ARHGEF3: variants seen among roughly 807,000 people sequenced by gnomAD.
The protein encoded by ARHGEF3 is 59.8 kDA protein.
A neutral mutation model predicts 63.2 loss-of-function variants in ARHGEF3; 28 were observed. The ratio of observed to expected loss-of-function variants is 0.44; its 90% CI spans 0.33 to 0.61. The LOEUF is 0.61. ARHGEF3 is among the 20% of genes least tolerant of loss of function. ARHGEF3 has a pLI of 0.03. For synonymous variants in ARHGEF3, 266 were observed against 254.2 expected (o/e 1.05, Z -0.44); for missense variants, 533 against 659.3 (o/e 0.81, Z 2.10).
chr3:57,063,279 G>A (rs1423981840), intron 1 of ARHGEF3, among the ~76,000 whole-genome samples: 1 of 137,772 alleles, frequency 7.3e-6, no homozygotes, highest in Non-Finnish European at 1.5e-5. Flanking sequence ...ATCACATGGG[G>A]CCTTGCAGCC....
intron 4 of ARHGEF3, among the ~76,000 whole-genome samples, chr3:56,834,867 T>C (rs2039056586): frequency 1.3e-5 from 2 of 152,124 alleles, no homozygotes; most frequent in Non-Finnish European, 1.5e-5. Flanking sequence ...CATGTGATCC[T>C]ATTTGTGTGT....
chr3:56,810,034 T>C (rs2038009976), intron 4 of ARHGEF3, among the ~76,000 whole-genome samples: 1 of 152,120 alleles, frequency 6.6e-6, no homozygotes, highest in African/African-American at 2.4e-5. Context: ...GGCCATATAT[T>C]TATTTAGTTA....
intron 9 of ARHGEF3, among the ~76,000 whole-genome samples, chr3:56,729,869 T>C (rs2033003150): frequency 7.4e-6 from 1 of 135,020 alleles, no homozygotes; most frequent in African/African-American, 2.8e-5. Context: ...GAGATCATCT[T>C]GGAACCACAA....
intron 2 of ARHGEF3, among the ~76,000 whole-genome samples, chr3:56,766,826 C>T (rs1474353568): frequency 6.6e-6 from 1 of 152,160 alleles, no homozygotes; most frequent in African/African-American, 2.4e-5. Context: ...GTATTCACAC[C>T]CTTTGACCAG....
chr3:56,967,456 T>C (rs866336693), intron 2 of ARHGEF3, among the ~76,000 whole-genome samples: 1 of 26,368 alleles, frequency 3.8e-5, no homozygotes, highest in African/African-American at 1.5e-4. Flanking sequence ...ATATTATACA[T>C]ATTATATATT....
At chr3:56,841,061 G>C (rs180903951) in intron 4 of ARHGEF3, among the ~76,000 whole-genome samples, 1 of 152,230 alleles carries the variant, frequency 6.6e-6, no homozygotes, top group Admixed American at 6.5e-5. Context: ...CAAAAACACG[G>C]AAAACCCCTT....
chr3:57,067,548 C>T (rs144848838), intron 1 of ARHGEF3, among the ~76,000 whole-genome samples: 1 of 150,078 alleles, frequency 6.7e-6, no homozygotes, highest in African/African-American at 2.4e-5. Context: ...TCAAATGCAA[C>T]TTTAGGGTGG....
chr3:57,042,679 TATATA>T (rs1704252782), intron 1 of ARHGEF3, among the ~76,000 whole-genome samples: 4 of 46,906 alleles, frequency 8.5e-5, no homozygotes, highest in South Asian at 1.5e-3. Context: ...TATATATATA[TATATA>T]TATATATATA....
At chr3:57,045,458 G>C (rs1400260008) in intron 1 of ARHGEF3, among the ~76,000 whole-genome samples, 3 of 152,206 alleles carry the variant, frequency 2.0e-5, no homozygotes, top group African/African-American at 7.2e-5. Flanking sequence ...CCCCCATTCT[G>C]TGCTGCCTAC....
At chr3:57,069,406 CACA>C (rs1042837902) in intron 1 of ARHGEF3, among the ~76,000 whole-genome samples, 1 of 151,946 alleles carries the variant, frequency 6.6e-6, no homozygotes, top group African/African-American at 2.4e-5. Context: ...CACACACACA[CACA>C]CATTGTTTGT....
intron 2 of ARHGEF3, among the ~76,000 whole-genome samples, chr3:56,994,466 G>C (rs1701895090): frequency 6.6e-6 from 1 of 151,808 alleles, no homozygotes; most frequent in African/African-American, 2.4e-5. Context: ...AGACTACTTT[G>C]TGGATAACAT....
chr3:56,863,262 C>A (rs1255260072), intron 4 of ARHGEF3, among the ~76,000 whole-genome samples: 1 of 151,200 alleles, frequency 6.6e-6, no homozygotes, highest in Admixed American at 6.6e-5. Flanking sequence ...CTCAGCCTTC[C>A]GAGTAGCTGG....
intron 2 of ARHGEF3, among the ~76,000 whole-genome samples, chr3:57,025,693 T>C (rs1361722370): frequency 6.6e-6 from 1 of 152,070 alleles, no homozygotes; most frequent in Non-Finnish European, 1.5e-5. Context: ...TTGTTTTTGC[T>C]CCCTCTTGAG....
chr3:56,796,535 C>T (rs1559948308), intron 1 of ARHGEF3, among the ~76,000 whole-genome samples: 1 of 152,218 alleles, frequency 6.6e-6, no homozygotes, highest in Non-Finnish European at 1.5e-5. Context: ...AAATCCCACT[C>T]CCGTGGGTTG....
At chr3:56,862,809 T>C (rs2040123410) in intron 4 of ARHGEF3, among the ~76,000 whole-genome samples, 1 of 152,200 alleles carries the variant, frequency 6.6e-6, no homozygotes, top group African/African-American at 2.4e-5. Context: ...AAGAGTCAAA[T>C]GCACCCCCTT....
At chr3:56,961,822 C>A (rs1016362376) in intron 2 of ARHGEF3, among the ~76,000 whole-genome samples, 1 of 152,092 alleles carries the variant, frequency 6.6e-6, no homozygotes, top group African/African-American at 2.4e-5. Context: ...GTGGGAGGAT[C>A]ACTTGAAGGC....
At chr3:56,989,176 C>G (rs1395752948) in intron 2 of ARHGEF3, among the ~76,000 whole-genome samples, 1 of 152,206 alleles carries the variant, frequency 6.6e-6, no homozygotes, top group African/African-American at 2.4e-5. Context: ...CTCAAGTACC[C>G]TATTTAGTTC....
rs145148709 is a variant in ARHGEF3, at chr3:56,820,559, C to T, written c.193-46743G>A. Among the ~76,000 whole-genome samples the T allele has an allele frequency of 2.0e-5, 3 of 152,186 alleles. No homozygotes were observed. In the East Asian group the frequency reaches 5.8e-4, roughly 29 times the overall value. ...TGGTATATGCCTGTAGTCCCAGCTA[C>T]TTGGAAAGCTGAGGCAAGAGATCAC... On this transcript the variant is annotated intron_variant, in intron 4 of 12. Coordinates refer to the ARHGEF3 transcript ENST00000338458.
At chr3:57,009,478 C>G (rs1195964391) in intron 2 of ARHGEF3, among the ~76,000 whole-genome samples, 2 of 152,138 alleles carry the variant, frequency 1.3e-5, no homozygotes, top group African/African-American at 2.4e-5. Context: ...GTTTGGGACC[C>G]ATGACAGTGA....
Sources: gnomAD v4.1 joint callset for allele counts (sites outside exome capture counted in the v4.1 genomes callset) on GRCh38, gnomAD v4.1.1 for gene constraint, MANE v1.5 for transcripts, NCBI Gene and HGNC (gene_info 2026-07-23, HGNC 2026-07-21) for gene names.